CPQ: variants seen among roughly 807,000 people sequenced by gnomAD.
CPQ encodes Ser-Met dipeptidase.
Under a neutral mutation model 45.7 loss-of-function variants are expected in CPQ, and 37 were observed. The ratio of observed to expected loss-of-function variants is 0.81; its 90% CI spans 0.62 to 1.07. The LOEUF (loss-of-function observed/expected upper bound fraction) is 1.07, where lower values mean the gene tolerates loss of function less well. CPQ is among the 50% of genes least tolerant of loss of function. The pLI, the probability that CPQ is intolerant of heterozygous loss-of-function variation, is 0.00. For missense variants in CPQ, 537 were observed against 572.9 expected (o/e 0.94, Z 0.64); for synonymous variants, 186 against 205.8 (o/e 0.90, Z 0.82).
chr8:96,684,990 G>A (rs1809206783), intron 1 of CPQ, among the ~76,000 whole-genome samples: 2 of 152,038 alleles, frequency 1.3e-5, no homozygotes, highest in South Asian at 4.1e-4. Context: ...TGTAGTCCTA[G>A]CTACTTGGGA....
chr8:97,065,032 T>C (rs79109671), intron 6 of CPQ, among the ~76,000 whole-genome samples: 414 of 152,286 alleles, frequency 2.7e-3, no homozygotes, highest in African/African-American at 9.2e-3. Context: ...ATGTGAAAGC[T>C]CTCTGGACGC....
intron 5 of CPQ, among the ~76,000 whole-genome samples, chr8:96,980,695 G>T (rs979836619): frequency 2.6e-5 from 4 of 152,128 alleles, no homozygotes; most frequent in Non-Finnish European, 4.4e-5. Flanking sequence ...TTGGTCAGGG[G>T]AATCCTCACA....
chr8:97,038,921 T>C (rs550004255), intron 6 of CPQ, among the ~76,000 whole-genome samples: 1 of 152,260 alleles, frequency 6.6e-6, no homozygotes, highest in African/African-American at 2.4e-5. Flanking sequence ...TAGAAAACTT[T>C]CTTCTGAAGC....
At chr8:96,836,324 C>T (rs1811530372) in intron 3 of CPQ, among the ~76,000 whole-genome samples, 1 of 151,916 alleles carries the variant, frequency 6.6e-6, no homozygotes, top group South Asian at 2.1e-4. Context: ...GAAAGTTGTA[C>T]AAAAGTGCAG....
Position 97,126,387 on chromosome 8 carries a change from C to T in CPQ, c.1256-16633C>T, listed in dbSNP as rs140079986. Among the ~76,000 whole-genome samples, 84 of 152,246 alleles carry T rather than the reference C, an allele frequency of 5.5e-4. 1 individual carries two copies. The East Asian group carries it at 0.013, about 23-fold the overall frequency. On this transcript the variant is annotated intron_variant, in intron 7 of 7. Transcript: ENST00000220763. ...TCTCTGTGCAAAGTTGTGGTTTTAG[C>T]GGTCTTTTTTGTTATCAGGCATGCA...
At chr8:97,119,887 A>G (rs878899934) in intron 7 of CPQ, among the ~76,000 whole-genome samples, 13 of 152,188 alleles carry the variant, frequency 8.5e-5, no homozygotes, top group South Asian at 2.1e-4. Flanking sequence ...CCTGGCAGCT[A>G]GCCATTTTAG....
intron 4 of CPQ, among the ~76,000 whole-genome samples, chr8:96,930,877 G>C (rs1316653620): frequency 1.3e-5 from 2 of 152,208 alleles, no homozygotes; most frequent in Non-Finnish European, 2.9e-5. Context: ...CCCACAGAGA[G>C]ACATTTATGG....
chr8:96,983,155 G>C (rs1436297250), intron 5 of CPQ, among the ~76,000 whole-genome samples: 1 of 151,990 alleles, frequency 6.6e-6, no homozygotes, highest in African/African-American at 2.4e-5. Context: ...TATAAAAAAT[G>C]GTATCATATA....
intron 6 of CPQ, among the ~76,000 whole-genome samples, chr8:97,045,870 A>C (rs1810247010): frequency 1.3e-5 from 2 of 152,204 alleles, no homozygotes; most frequent in African/African-American, 4.8e-5. Context: ...TCATAAAGCC[A>C]ATGCCAGAAA....
At chr8:96,657,817 A>G (rs1178625050) in intron 1 of CPQ, among the ~76,000 whole-genome samples, 1 of 152,182 alleles carries the variant, frequency 6.6e-6, no homozygotes, top group Non-Finnish European at 1.5e-5. Flanking sequence ...ACAGGTTGAG[A>G]TGATGAAAAG....
In CPQ at chr8:97,112,814, G is replaced by A. The variant is rs535373464; in HGVS notation, c.1256-30206G>A. On this transcript the variant is annotated intron_variant, in intron 7 of 7. Transcript: ENST00000220763. Reference sequence around the variant, plus strand: ...TGGCGTACATGGAGGCACTAGTGATGTCACGGAGAGGAAGGAGTAAAGGAT... The same window carrying A: ...TGGCGTACATGGAGGCACTAGTGATATCACGGAGAGGAAGGAGTAAAGGAT... Among the ~76,000 whole-genome samples, 3 of 152,366 alleles carry A rather than the reference G, an allele frequency of 2.0e-5. No homozygotes were observed. The South Asian group carries it at 6.2e-4, about 32-fold the overall frequency.
chr8:96,934,861 C>T (rs541707719), intron 4 of CPQ, among the ~76,000 whole-genome samples: 151 of 152,248 alleles, frequency 9.9e-4, no homozygotes, highest in African/African-American at 3.0e-3. Flanking sequence ...TAAGCACTTA[C>T]GGGCAGAAAA....
intron 2 of CPQ, among the ~76,000 whole-genome samples, chr8:96,797,646 G>C (rs540806986): frequency 4.5e-4 from 69 of 152,288 alleles, no homozygotes; most frequent in African/African-American, 1.6e-3. Flanking sequence ...GCTGGGTGCG[G>C]TGGCTCACGC....
chr8:96,652,799 A>AT (rs1421749089), intron 1 of CPQ, among the ~76,000 whole-genome samples: 5 of 151,608 alleles, frequency 3.3e-5, no homozygotes, highest in South Asian at 4.2e-4. Flanking sequence ...TGCCCGGCTA[A>AT]TTTTTTTTGT....
intron 7 of CPQ, among the ~76,000 whole-genome samples, chr8:97,086,439 G>A (rs1312947876): frequency 2.0e-5 from 3 of 152,134 alleles, no homozygotes; most frequent in Non-Finnish European, 2.9e-5. Context: ...AGCTGAGGGG[G>A]TTACCTAAAT....
At chr8:97,000,093 GT>G (rs1809249317) in intron 5 of CPQ, among the ~76,000 whole-genome samples, 1 of 151,160 alleles carries the variant, frequency 6.6e-6, no homozygotes, top group Admixed American at 6.6e-5. Flanking sequence ...AGGGTTGTTT[GT>G]TTTCTTTCTG....
At chr8:96,951,606 G>C (rs1433282927) in intron 4 of CPQ, among the ~76,000 whole-genome samples, 1 of 151,960 alleles carries the variant, frequency 6.6e-6, no homozygotes, top group South Asian at 2.1e-4. Context: ...AAATAAAAAC[G>C]TAACTTACCT....
At position 97,021,972 on chromosome 8, in the gene CPQ, G is replaced by C. The variant is rs565164165; in HGVS notation, c.962-7431G>C. Reference sequence around the variant, plus strand: ...TAAATCTGGAGGTGTCACATTACCTGATTACAAACCATATTATAAGGCCAT... The same window carrying C: ...TAAATCTGGAGGTGTCACATTACCTCATTACAAACCATATTATAAGGCCAT... On this transcript the variant is annotated intron_variant, in intron 5 of 7. Coordinates refer to ENST00000220763, the MANE Select transcript of CPQ (RefSeq NM_016134.4). 5.3e-5 allele frequency among the ~76,000 whole-genome samples: 8 copies of C among 152,212 alleles called. No homozygotes were observed. The South Asian group carries it at 8.3e-4, about 16-fold the overall frequency.
chr8:97,068,725 T>A (rs753329106), intron 7 of CPQ, among the ~76,000 whole-genome samples: 3 of 152,190 alleles, frequency 2.0e-5, no homozygotes, highest in Non-Finnish European at 4.4e-5. Context: ...TTGCAGACAC[T>A]GTTTTATCCA....
Sources: allele counts gnomAD v4.1 joint callset (sites outside exome capture counted in the v4.1 genomes callset), GRCh38; gene constraint gnomAD v4.1.1; transcripts MANE v1.5; gene names NCBI Gene and HGNC (gene_info 2026-07-23, HGNC 2026-07-21).